The following ARL15 variants were observed in gnomAD, a reference collection of about 807,000 sequenced individuals.
ARL15 encodes ADP-ribosylation factor-like protein 15.
ARL15 carries 19 observed loss-of-function variants against 25.2 expected under a neutral mutation model. That is an observed-to-expected ratio of 0.75 (90% CI 0.53 to 1.10). ARL15 has a LOEUF of 1.10. ARL15 is among the 50% of genes least tolerant of loss of function. The pLI, the probability that ARL15 is intolerant of heterozygous loss-of-function variation, is 0.00. For synonymous variants in ARL15, 94 were observed against 86.8 expected, an observed-to-expected ratio of 1.08 and a Z score of -0.46; for missense variants, 220 against 246.0, an observed-to-expected ratio of 0.89 and a Z score of 0.71.
At chr5:54,260,147 G>T (rs1448679511) in intron 1 of ARL15, among the ~76,000 whole-genome samples, 1 of 152,164 alleles carries the variant, frequency 6.6e-6, no homozygotes, top group Non-Finnish European at 1.5e-5. Context: ...GAGGTATACA[G>T]CATGCGCATC....
chr5:54,222,336 A>C (rs1029861793), intron 1 of ARL15, among the ~76,000 whole-genome samples: 9 of 152,172 alleles, frequency 5.9e-5, no homozygotes, highest in African/African-American at 2.2e-4. Flanking sequence ...AGCCCCCCAA[A>C]ACCTTCAAAG....
intron 4 of ARL15, chr5:54,075,489 T>A (rs1751569163): frequency 6.5e-6 from 1 of 153,856 alleles, no homozygotes; most frequent in African/African-American, 2.4e-5. Context: ...ATATTCCTTT[T>A]TTTTTTTGAG....
intron 4 of ARL15, among the ~76,000 whole-genome samples, chr5:54,038,442 A>G (rs1179078469): frequency 6.6e-6 from 1 of 152,156 alleles, no homozygotes; most frequent in Admixed American, 6.5e-5. Context: ...AAACATATAT[A>G]AAATCCCAAA....
intron 4 of ARL15, among the ~76,000 whole-genome samples, chr5:53,980,684 A>C (rs1322645113): frequency 6.6e-6 from 1 of 152,240 alleles, no homozygotes; most frequent in African/African-American, 2.4e-5. Flanking sequence ...CTCAGATTTA[A>C]GAGGAAAGCA....
chr5:54,258,120 C>A (rs1180067929), intron 1 of ARL15, among the ~76,000 whole-genome samples: 1 of 148,718 alleles, frequency 6.7e-6, no homozygotes, highest in Non-Finnish European at 1.5e-5. Context: ...CGCTTGAGTC[C>A]AGGAGTTTGA....
intron 4 of ARL15, among the ~76,000 whole-genome samples, chr5:53,978,207 G>T (rs1748005759): frequency 1.3e-5 from 2 of 152,266 alleles, no homozygotes; most frequent in Non-Finnish European, 2.9e-5. Context: ...TTAAGTCACT[G>T]CCAGTTCAGG....
At chr5:53,991,833 C>T (rs788593) in intron 4 of ARL15, among the ~76,000 whole-genome samples, 73,378 of 151,882 alleles carry the variant, frequency 0.48, 18,162 homozygotes, top group Admixed American at 0.56. Flanking sequence ...TAACAGTTAA[C>T]TTATTAAGTA....
rs181217923 is a variant in ARL15 at position 53,890,471 on chromosome 5, A to G, written c.463-3758T>C. ...CTTTTGACTACTTATCCGTTGCTGA[A>G]CTAGCACGGTTAAGTGAAAACTTCT... On this transcript the variant is annotated intron_variant, in intron 4 of 4. Transcript: ENST00000504924. Among the ~76,000 whole-genome samples the G allele has an allele frequency of 3.9e-5, 6 of 152,346 alleles. No homozygotes were observed. The East Asian group carries it at 1.2e-3, about 29-fold the overall frequency.
chr5:53,928,267 G>A (rs1370151148), intron 4 of ARL15, among the ~76,000 whole-genome samples: 1 of 152,220 alleles, frequency 6.6e-6, no homozygotes, highest in African/African-American at 2.4e-5. Flanking sequence ...AATGAGGGCA[G>A]TATTTTAGGA....
intron 3 of ARL15, 52 bp downstream of exon 3, chr5:54,154,528 C>T (rs1361694909): frequency 1.7e-6 from 2 of 1,185,710 alleles, no homozygotes; most frequent in East Asian, 5.4e-5. Context: ...TACATTATTA[C>T]CAAATTCATA....
intron 4 of ARL15, among the ~76,000 whole-genome samples, chr5:53,916,381 T>G (rs1379701918): frequency 1.3e-5 from 2 of 151,452 alleles, no homozygotes; most frequent in African/African-American, 4.9e-5. Flanking sequence ...AGGGAGAGAT[T>G]TGAAGTACCA....
intron 4 of ARL15, among the ~76,000 whole-genome samples, chr5:54,065,817 G>T (rs1751212597): frequency 1.3e-5 from 2 of 149,224 alleles, no homozygotes; most frequent in South Asian, 4.2e-4. Flanking sequence ...ATAATTTTCA[G>T]TACTGATTAC....
intron 3 of ARL15, among the ~76,000 whole-genome samples, chr5:54,137,852 C>T (rs1460963841): frequency 6.7e-5 from 10 of 149,738 alleles, no homozygotes; most frequent in Admixed American, 6.0e-4. Context: ...CTTTGAATCC[C>T]GTAACATGGA....
At chr5:53,933,196 G>A (rs1344393820) in intron 4 of ARL15, among the ~76,000 whole-genome samples, 1 of 152,102 alleles carries the variant, frequency 6.6e-6, no homozygotes, top group African/African-American at 2.4e-5. Context: ...ATCTTCCAAG[G>A]TCTGGGCAAG....
intron 2 of ARL15, among the ~76,000 whole-genome samples, chr5:54,159,873 C>A (rs561047834): frequency 6.6e-6 from 1 of 152,336 alleles, no homozygotes; most frequent in East Asian, 1.9e-4. Context: ...GTTTTTCATG[C>A]ACTGAAAGCA....
chr5:54,226,371 TC>T (rs1756519232), intron 1 of ARL15, among the ~76,000 whole-genome samples: 3 of 152,088 alleles, frequency 2.0e-5, no homozygotes, highest in Admixed American at 2.0e-4. Flanking sequence ...CAAGCTTGAA[TC>T]CTTAGAAATG....
intron 4 of ARL15, among the ~76,000 whole-genome samples, chr5:54,080,316 G>C (rs189546557): frequency 2.0e-5 from 3 of 152,330 alleles, no homozygotes; most frequent in South Asian, 4.1e-4. Flanking sequence ...TCGCTGCTAC[G>C]CACATAATTC....
intron 4 of ARL15, among the ~76,000 whole-genome samples, chr5:53,992,064 A>G (rs1332971870): frequency 6.6e-6 from 1 of 152,180 alleles, no homozygotes; most frequent in East Asian, 1.9e-4. Flanking sequence ...AATTGTTGCC[A>G]TGCAGTACTT....
At position 54,171,751 on chromosome 5, in the gene ARL15, G is replaced by A. The variant is rs970722894; in HGVS notation, c.193+33C>T. 3.2e-6 allele frequency: 5 copies of A among 1,577,370 alleles called. No homozygotes were observed. In the African/African-American group the frequency reaches 5.4e-5, roughly 17 times the overall value. Reference sequence around the variant, plus strand: ...AACTAGGACATCTTGGGATGAGAAAGAAGAAGGGACAGAACCCCAGCACAG... The same window carrying A: ...AACTAGGACATCTTGGGATGAGAAAAAAGAAGGGACAGAACCCCAGCACAG... On this transcript the variant is annotated intron_variant, in intron 2 of 4. Coordinates refer to ENST00000504924, the MANE Select transcript of ARL15 (RefSeq NM_019087.3).
Sources: gnomAD v4.1 joint callset for allele counts (sites outside exome capture counted in the v4.1 genomes callset) on GRCh38, gnomAD v4.1.1 for gene constraint, MANE v1.5 for transcripts, NCBI Gene and HGNC (gene_info 2026-07-23, HGNC 2026-07-21) for gene names.